The following CAMK1D variants were observed in gnomAD, a reference collection of about 807,000 sequenced individuals.
The protein encoded by CAMK1D is calcium/calmodulin dependent protein kinase ID.
CAMK1D carries 9 observed loss-of-function variants against 47.7 expected under a neutral mutation model. The ratio of observed to expected loss-of-function variants is 0.19; its 90% CI spans 0.11 to 0.33. The LOEUF is 0.33. Ranked by LOEUF, CAMK1D falls within the 10% of genes least tolerant of loss-of-function variation. CAMK1D has a pLI of 1.00. For missense variants in CAMK1D, 291 were observed against 488.7 expected, an observed-to-expected ratio of 0.60 and a Z score of 3.81; for synonymous variants, 184 against 184.9, an observed-to-expected ratio of 0.99 and a Z score of 0.04.
chr10:12,486,293 G>A (rs1564367977), intron 1 of CAMK1D, among the ~76,000 whole-genome samples: 2 of 151,942 alleles, frequency 1.3e-5, no homozygotes, highest in East Asian at 3.9e-4. Flanking sequence ...GGAGTAGCTG[G>A]GACTACAGGT....
chr10:12,662,684 A>T (rs1366920500), intron 2 of CAMK1D, among the ~76,000 whole-genome samples: 2 of 151,708 alleles, frequency 1.3e-5, no homozygotes, highest in Non-Finnish European at 2.9e-5. Context: ...GTTTGGTAGA[A>T]CTTCAGATTA....
At chr10:12,699,317 G>A (rs1369192240) in intron 3 of CAMK1D, among the ~76,000 whole-genome samples, 5 of 152,052 alleles carry the variant, frequency 3.3e-5, no homozygotes, top group Admixed American at 3.3e-4. Flanking sequence ...GCTGTGACTC[G>A]ACCTCTTCTA....
chr10:12,542,562 G>A (rs930498327), intron 1 of CAMK1D, among the ~76,000 whole-genome samples: 6 of 152,162 alleles, frequency 3.9e-5, no homozygotes, highest in African/African-American at 1.4e-4. Context: ...CCAAATCCCT[G>A]ATTCTTGTTA....
intron 2 of CAMK1D, among the ~76,000 whole-genome samples, chr10:12,617,016 C>T (rs962566753): frequency 6.6e-6 from 1 of 151,732 alleles, no homozygotes; most frequent in African/African-American, 2.4e-5. Context: ...TTTTAATATC[C>T]CTGTCTAGTC....
chr10:12,534,429 C>T (rs1405567231), intron 1 of CAMK1D, among the ~76,000 whole-genome samples: 4 of 152,208 alleles, frequency 2.6e-5, no homozygotes, highest in East Asian at 3.9e-4. Flanking sequence ...TGCAGTGGCA[C>T]GATCTCGGCT....
intron 1 of CAMK1D, among the ~76,000 whole-genome samples, chr10:12,401,238 TTATATATATATAA>T (rs1839197980): frequency 3.4e-5 from 1 of 29,010 alleles, no homozygotes; most frequent in East Asian, 8.8e-4. Flanking sequence ...TATATATATT[TTATATATATATAA>T]TATATGTATT....
chr10:12,786,292 G>A (rs907754260), intron 5 of CAMK1D, among the ~76,000 whole-genome samples: 2 of 151,958 alleles, frequency 1.3e-5, no homozygotes, highest in African/African-American at 2.4e-5. Context: ...CAGTTAAGAC[G>A]GTCACCAGAA....
At chr10:12,733,352 T>A (rs953620785) in intron 3 of CAMK1D, among the ~76,000 whole-genome samples, 1 of 152,120 alleles carries the variant, frequency 6.6e-6, no homozygotes, top group Non-Finnish European at 1.5e-5. Context: ...AAGAGAAAAA[T>A]TGCAGAATTG....
chr10:12,816,769 G>A (rs965653156), intron 8 of CAMK1D, among the ~76,000 whole-genome samples: 2 of 151,366 alleles, frequency 1.3e-5, no homozygotes, highest in African/African-American at 4.9e-5. Flanking sequence ...CTACTCGCAA[G>A]GCTGAGTCAG....
chr10:12,759,278 C>T (rs1172810727), intron 3 of CAMK1D, among the ~76,000 whole-genome samples: 1 of 152,160 alleles, frequency 6.6e-6, no homozygotes, highest in Non-Finnish European at 1.5e-5. Flanking sequence ...CGCTTAAGCC[C>T]TGTAGGTCAA....
chr10:12,723,576 G>A (rs1415809394), intron 3 of CAMK1D, among the ~76,000 whole-genome samples: 1 of 152,142 alleles, frequency 6.6e-6, no homozygotes, highest in Non-Finnish European at 1.5e-5. Flanking sequence ...TAATGTGTAA[G>A]CTCATCACTA....
At chr10:12,578,966 T>C (rs1288466258) in intron 2 of CAMK1D, 1 of 152,684 alleles carries the variant, frequency 6.5e-6, no homozygotes. Flanking sequence ...TGCAGTCTAG[T>C]GGGTGCCCAG....
chr10:12,548,447 CTTTTTTTTTTTT>C (rs35061502), intron 1 of CAMK1D, among the ~76,000 whole-genome samples: 1 of 81,186 alleles, frequency 1.2e-5, no homozygotes, highest in Non-Finnish European at 2.3e-5. Flanking sequence ...CCATTTTAAG[CTTTTTTTTTTTT>C]TTTTTTTTTT....
intron 3 of CAMK1D, among the ~76,000 whole-genome samples, chr10:12,708,439 C>T (rs1451264316): frequency 6.6e-6 from 1 of 152,186 alleles, no homozygotes; most frequent in Non-Finnish European, 1.5e-5. Flanking sequence ...CCCTTCCCTT[C>T]TTGCCACCCA....
chr10:12,751,076 GATAAGATAAGATAAGATAAGATAAGAT>G (rs1835936330), intron 3 of CAMK1D, among the ~76,000 whole-genome samples: 1 of 44,464 alleles, frequency 2.2e-5, no homozygotes, highest in Non-Finnish European at 4.5e-5. Context: ...GATAAGATAA[GATAAGATAAGATAAGATAAGATAAGAT>G]AAGATAAGAT....
rs1833392268 is a variant in CAMK1D at position 12,830,077 on chromosome 10, A to G, written c.*1190A>G. On this transcript the variant is annotated 3_prime_UTR_variant, in exon 11 of 11. Transcript: ENST00000619168. The stretch of plus-strand genomic sequence containing the variant: ...GCAGAGATGCAGGACCCTCCCTTGC[A>G]AAAGGAACCAGCTGCCATGTTGCTG... 1 of 152,150 alleles carries G rather than the reference A, an allele frequency of 6.6e-6. No individual in the cohort carries two copies. The highest frequency in any genetic ancestry group is 2.4e-5 in the African/African-American group (1 of 41,420). The allele number at this position is 152,150 out of a possible 1,614,324, so 9.4% of individuals were successfully genotyped here.
At chr10:12,408,697 G>C (rs2801486) in intron 1 of CAMK1D, among the ~76,000 whole-genome samples, 3 of 152,132 alleles carry the variant, frequency 2.0e-5, no homozygotes, top group Admixed American at 2.0e-4. Flanking sequence ...GATTAGCAAC[G>C]TGCAAGGCCC....
At chr10:12,709,356 G>T (rs1244390044) in intron 3 of CAMK1D, among the ~76,000 whole-genome samples, 1 of 151,908 alleles carries the variant, frequency 6.6e-6, no homozygotes, top group African/African-American at 2.4e-5. Context: ...GGGAGACAGT[G>T]GCTGCAGAAG....
intron 1 of CAMK1D, among the ~76,000 whole-genome samples, chr10:12,368,287 G>C (rs1412316882): frequency 6.6e-6 from 1 of 151,398 alleles, no homozygotes; most frequent in Non-Finnish European, 1.5e-5. Context: ...GGCTGAAGCA[G>C]GAGGTTCACT....
Sources: allele counts gnomAD v4.1 joint callset (sites outside exome capture counted in the v4.1 genomes callset), GRCh38; gene constraint gnomAD v4.1.1; transcripts MANE v1.5; gene names NCBI Gene and HGNC (gene_info 2026-07-23, HGNC 2026-07-21).